SNX24: variants seen among roughly 807,000 people sequenced by gnomAD.
SNX24 encodes sorting nexin 24.
In SNX24, 22 loss-of-function variants were observed where a neutral mutation model predicts 28.7. The observed-to-expected ratio is 0.77, with a 90% CI of 0.55 to 1.10. The LOEUF (loss-of-function observed/expected upper bound fraction) is 1.10. Among genes scored for constraint, SNX24 ranks in the 50% least tolerant of loss-of-function variants. The pLI is 0.00. For synonymous variants in SNX24, 69 were observed against 71.5 expected, an observed-to-expected ratio of 0.96 and a Z score of 0.18; for missense variants, 221 against 201.1, an observed-to-expected ratio of 1.10 and a Z score of -0.60.
chr5:122,898,296 G>A (rs995293772), intron 1 of SNX24, among the ~76,000 whole-genome samples: 1 of 152,236 alleles, frequency 6.6e-6, no homozygotes, highest in African/African-American at 2.4e-5. Flanking sequence ...AAATGAAGAT[G>A]TGTTCTATGT....
At chr5:122,985,163 C>T (rs533636959) in intron 3 of SNX24, among the ~76,000 whole-genome samples, 38 of 152,194 alleles carry the variant, frequency 2.5e-4, no homozygotes, top group Non-Finnish European at 4.9e-4. Context: ...ATGTCATGAC[C>T]GTGTTTATTT....
intron 3 of SNX24, among the ~76,000 whole-genome samples, chr5:122,974,097 G>A (rs246318): frequency 0.77 from 117,031 of 152,142 alleles, 45,891 homozygotes; most frequent in East Asian, 0.99. Context: ...AGGTCCACTA[G>A]GCATTGTGCC....
At chr5:122,953,034 T>G (rs1687560321) in intron 3 of SNX24, among the ~76,000 whole-genome samples, 1 of 144,442 alleles carries the variant, frequency 6.9e-6, no homozygotes, top group Admixed American at 7.0e-5. Context: ...CTTCCTCAGG[T>G]TACACAATAT....
At position 123,009,166 on chromosome 5, in the gene SNX24, T is replaced by C; in HGVS notation, c.*1417T>C. ...AGATTTTTTTAAAATGTTTTTATGT[T>C]ATTAGCTATTTGGAGTTAAATAAAA... On this transcript the variant is annotated 3_prime_UTR_variant, in exon 7 of 7. Transcript: ENST00000261369. 2.0e-6 allele frequency: 2 copies of C among 983,632 alleles called. No individual in the cohort carries two copies. The highest frequency in any genetic ancestry group is 3.5e-5 in the African/African-American group (2 of 57,298). The allele number at this position is 983,632 out of a possible 1,614,324, so 60.9% of individuals were successfully genotyped here. A position where few individuals can be genotyped will look rare whatever the true frequency, so the allele number is the denominator to read the frequency against.
At chr5:122,907,237 G>A (rs1001164813) in intron 1 of SNX24, among the ~76,000 whole-genome samples, 3 of 152,092 alleles carry the variant, frequency 2.0e-5, no homozygotes, top group Non-Finnish European at 2.9e-5. Context: ...TTTATAGCAA[G>A]TGATACTGGC....
chr5:122,942,883 C>A (rs1198538977), intron 2 of SNX24, among the ~76,000 whole-genome samples: 2 of 152,112 alleles, frequency 1.3e-5, no homozygotes, highest in African/African-American at 4.8e-5. Flanking sequence ...TATGATCATA[C>A]GCTTCCTCAG....
intron 5 of SNX24, among the ~76,000 whole-genome samples, chr5:123,022,990 A>G (rs401535): frequency 0.23 from 35,178 of 152,070 alleles, 5,195 homozygotes; most frequent in Non-Finnish European, 0.34. Flanking sequence ...TGTTAGAGAC[A>G]GGGTCTCACT....
intron 3 of SNX24, among the ~76,000 whole-genome samples, chr5:122,988,612 A>G (rs977740331): frequency 1.2e-4 from 19 of 152,202 alleles, no homozygotes; most frequent in South Asian, 4.1e-4. Context: ...TCATTCTACA[A>G]TGGTTTGGCC....
chr5:122,955,513 A>G (rs1341747611), intron 3 of SNX24, among the ~76,000 whole-genome samples: 1 of 152,104 alleles, frequency 6.6e-6, no homozygotes, highest in Admixed American at 6.6e-5. Context: ...TATACCTTCT[A>G]TTTTAGCTGA....
At chr5:122,924,621 G>A (rs768121556) in intron 1 of SNX24, among the ~76,000 whole-genome samples, 2 of 152,144 alleles carry the variant, frequency 1.3e-5, no homozygotes, top group Non-Finnish European at 2.9e-5. Flanking sequence ...GCTAAGGGGG[G>A]ACTACTATAT....
chr5:122,973,716 C>G (rs116028625), intron 3 of SNX24, among the ~76,000 whole-genome samples: 87 of 152,320 alleles, frequency 5.7e-4, no homozygotes, highest in African/African-American at 2.0e-3. Context: ...TCGTGATAGG[C>G]AGTTCAGGTT....
At chr5:122,959,119 G>C (rs1760351845) in intron 3 of SNX24, among the ~76,000 whole-genome samples, 1 of 152,038 alleles carries the variant, frequency 6.6e-6, no homozygotes, top group South Asian at 2.1e-4. Flanking sequence ...ATCAGGTCCA[G>C]AGCTTTTCTG....
At chr5:122,999,704 A>T (rs1182898328) in intron 3 of SNX24, among the ~76,000 whole-genome samples, 2 of 152,172 alleles carry the variant, frequency 1.3e-5, no homozygotes, top group African/African-American at 2.4e-5. Flanking sequence ...GAAAGAACAG[A>T]TAAACTGCAG....
At chr5:122,963,062 C>T (rs780105047) in intron 3 of SNX24, among the ~76,000 whole-genome samples, 17 of 152,118 alleles carry the variant, frequency 1.1e-4, no homozygotes, top group East Asian at 1.9e-4. Flanking sequence ...AGTGAAACCT[C>T]GTCTCTGCTA....
intron 3 of SNX24, chr5:122,948,527 C>G (rs1425659674): frequency 2.0e-5 from 3 of 152,230 alleles, no homozygotes; most frequent in African/African-American, 7.2e-5. Flanking sequence ...TCAGCTATTT[C>G]ACAATCATCC....
chr5:122,876,895 A>G (rs1168238374), intron 1 of SNX24, among the ~76,000 whole-genome samples: 3 of 152,228 alleles, frequency 2.0e-5, no homozygotes, highest in Non-Finnish European at 4.4e-5. Context: ...TTAGAAAGAT[A>G]AAATGAACAT....
intron 1 of SNX24, among the ~76,000 whole-genome samples, chr5:122,872,152 T>G (rs1245062601): frequency 6.7e-6 from 1 of 150,340 alleles, no homozygotes; most frequent in Non-Finnish European, 1.5e-5. Context: ...CACTTTTGAA[T>G]GATTGCATAT....
chr5:122,850,096 T>C (rs886194574), intron 1 of SNX24, among the ~76,000 whole-genome samples: 1 of 152,212 alleles, frequency 6.6e-6, no homozygotes, highest in East Asian at 1.9e-4. Flanking sequence ...GTAACATGAT[T>C]AGCTTTGCAT....
At chr5:123,003,472 CTTA>C (rs1471720239) in intron 6 of SNX24, among the ~76,000 whole-genome samples, 1 of 129,562 alleles carries the variant, frequency 7.7e-6, no homozygotes, top group Non-Finnish European at 1.9e-5. Flanking sequence ...ATAAATTATT[CTTA>C]TTATCTTTGA....
Sources: gnomAD v4.1 joint callset for allele counts (sites outside exome capture counted in the v4.1 genomes callset) on GRCh38, gnomAD v4.1.1 for gene constraint, MANE v1.5 for transcripts, NCBI Gene and HGNC (gene_info 2026-07-23, HGNC 2026-07-21) for gene names.